The following COL6A3 variants were observed in gnomAD, a reference collection of about 807,000 sequenced individuals.
COL6A3 encodes collagen type VI alpha 3 chain.
In COL6A3, 137 loss-of-function variants were observed where a neutral mutation model predicts 274.1. The observed-to-expected ratio is 0.50, with a 90% CI of 0.44 to 0.58. The LOEUF is 0.58. Among genes scored for constraint, COL6A3 ranks in the 20% least tolerant of loss-of-function variants. COL6A3 has a pLI of 0.00. For missense variants in COL6A3, 3,950 were observed against 4,124.9 expected (o/e 0.96, Z 1.16); for synonymous variants, 1,650 against 1,650.6 (o/e 1.00, Z 0.01).
chr2:237,354,963 G>A (rs745610091), intron 23 of COL6A3, 29 bp from the exon 24 acceptor site: 4 of 1,611,836 alleles, frequency 2.5e-6, no homozygotes, highest in Non-Finnish European at 8.5e-7. Flanking sequence ...CACAAACTGT[G>A]AGGGGGAGCA....
At chr2:237,353,225 C>T (rs1294484829) in intron 25 of COL6A3, 116 bp downstream of exon 25, 8 of 971,332 alleles carry the variant, frequency 8.2e-6, no homozygotes, top group African/African-American at 4.8e-5. Flanking sequence ...GTACCAAATG[C>T]CACTGGATTG....
chr2:237,353,249 G>C lies in COL6A3; in HGVS notation c.6690+92C>G, dbSNP rs1004891478. 3.2e-6 allele frequency: 4 copies of C among 1,254,532 alleles called. No homozygotes were observed. The African/African-American group carries it at 4.4e-5, about 14-fold the overall frequency. 77.7% of individuals were successfully genotyped at this position (1,254,532 alleles called of 1,614,324 possible). On this transcript the variant is annotated intron_variant, in intron 25 of 43. Coordinates refer to ENST00000295550, the MANE Select transcript of COL6A3 (RefSeq NM_004369.4). ...GCCACTGGATTGTTCACTTTAAAATGGTTAACTTTCCGGATATAAATGCCA... is the reference window on the plus strand; with the variant it reads ...GCCACTGGATTGTTCACTTTAAAATCGTTAACTTTCCGGATATAAATGCCA...
At position 237,366,843 on chromosome 2, in the gene COL6A3, C is replaced by T. The variant is rs762035107; in HGVS notation, c.5344G>A (p.Asp1782Asn). ...KVFAVGVRNI[D>N]SEEVGKIASN... ...GCTATCTTTCCAACCTCCTCCGAGT[C>T]GATATTCCTCACTCCAACAGCAAAC... The change falls in exon 11 of 44, where the codon GAC becomes AAC. Residue 1782 changes from aspartate (D) to asparagine (N), a missense_variant. By Grantham distance (23) the Asp-to-Asn change is conservative. Transcript: ENST00000295550. 1.2e-5 allele frequency: 19 copies of T among 1,614,104 alleles called. No homozygotes were observed. The highest frequency in any genetic ancestry group is 1.3e-5 in the African/African-American group (1 of 74,928).
At position 237,395,007 on chromosome 2, in the gene COL6A3, G is replaced by A. The variant is rs144651558; in HGVS notation, c.289C>T (p.Arg97Cys). Residue 97 changes from arginine (R) to cysteine (C), a missense_variant, in exon 3 of 44, where the codon CGT becomes TGT. Physicochemically the swap from Arg to Cys is radical, Grantham distance 180. Transcript: ENST00000295550. ...TGAGAAAGGACTTCTTGTTTAGTAC[G>A]ATACGTATTTAACAGGAACTCGGTA... is the stretch of plus-strand genomic sequence containing the variant. The part of the protein sequence containing the change: ...PHTEFLLNTY[R>C]TKQEVLSHIS... The A allele has an allele frequency of 6.5e-5, 105 of 1,614,084 alleles. No individual in the cohort carries two copies. Among genetic ancestry groups the A allele is most frequent in the African/African-American group, 2.0e-4 (15 of 75,008 alleles).
At position 237,325,554 on chromosome 2, in the gene COL6A3, A is replaced by T; in HGVS notation, c.9493+6T>A. 4 of 1,614,148 alleles carry T rather than the reference A, an allele frequency of 2.5e-6. No homozygotes were observed. Among genetic ancestry groups the T allele is most frequent in the Non-Finnish European group, 3.4e-6 (4 of 1,180,030 alleles). On this transcript the variant is annotated splice_donor_region_variant and intron_variant, in intron 43 of 43. Transcript: ENST00000295550. Reference sequence around the variant, plus strand: ...GAAGCCATAAACACAAGGAAGAATCACTTACCAGGAGCGCAAACCTTTTCA... The same window carrying T: ...GAAGCCATAAACACAAGGAAGAATCTCTTACCAGGAGCGCAAACCTTTTCA...
chr2:237,334,659 C>T lies in COL6A3; in HGVS notation c.9196G>A (p.Val3066Ile), dbSNP rs1188215188. The T allele has an allele frequency of 6.2e-7, 1 of 1,613,660 alleles. No homozygotes were observed. Among genetic ancestry groups the T allele is most frequent in the Admixed American group, 1.7e-5 (1 of 60,018 alleles). ...VAVVCYLRSQVRATYHGSFST... is the reference protein window; with the variant it reads ...VAVVCYLRSQIRATYHGSFST... The stretch of plus-strand genomic sequence containing the variant: ...AAACTTCCGTGGTAGGTGGCTCTGA[C>T]CTGAGACCTCAGGTAGCAGACCACA... Residue 3066 changes from valine (V) to isoleucine (I), a missense_variant, in exon 41 of 44, where the codon GTC (valine) becomes ATC (isoleucine). Val to Ile is a conservative substitution (Grantham distance 29). This residue lies in a region of COL6A3 where 1,284 missense variants were observed against 1,349.7 expected (regional missense o/e 0.95). Coordinates refer to ENST00000295550, the MANE Select transcript of COL6A3 (RefSeq NM_004369.4).
At chr2:237,334,256 C>T (rs1700413545) in intron 41 of COL6A3, among the ~76,000 whole-genome samples, 1 of 152,196 alleles carries the variant, frequency 6.6e-6, no homozygotes, top group South Asian at 2.1e-4. Flanking sequence ...TGGTGTTTTC[C>T]TGAACATGGA....
At position 237,371,321 on chromosome 2, in the gene COL6A3, G is replaced by A. The variant is rs1287587863; in HGVS notation, c.4285+411C>T. 2.6e-5 allele frequency among the ~76,000 whole-genome samples: 4 copies of A among 152,178 alleles called. No homozygotes were observed. The highest frequency in any genetic ancestry group is 2.4e-5 in the African/African-American group (1 of 41,440). On this transcript the variant is annotated intron_variant, in intron 9 of 43. Transcript: ENST00000295550. The surrounding 1 kb of genome is among the most constrained non-coding windows in gnomAD (Gnocchi z 4.3). ...GGCATGAAGAACATAAAGGTGCTGGGCGCGGTGTCTCAGGCCTGTAATCCC... is the reference window on the plus strand; with the variant it reads ...GGCATGAAGAACATAAAGGTGCTGGACGCGGTGTCTCAGGCCTGTAATCCC...
At chr2:237,396,670 C>A in intron 2 of COL6A3, 57 bp downstream of exon 2, 2 of 1,553,972 alleles carry the variant, frequency 1.3e-6, no homozygotes, top group South Asian at 2.2e-5. Flanking sequence ...TGTCTAAGAT[C>A]TAAAATCAAA....
At position 237,396,625 on chromosome 2, in the gene COL6A3, T is replaced by C. The variant is rs371943977; in HGVS notation, c.91+102A>G. 153 of 1,223,728 alleles carry C rather than the reference T, an allele frequency of 1.3e-4. No individual in the cohort carries two copies. The Middle Eastern group carries it at 1.9e-3, about 15-fold the overall frequency. 75.8% of individuals were successfully genotyped at this position (1,223,728 alleles called of 1,614,324 possible). A position where few individuals can be genotyped will look rare whatever the true frequency, so the allele number is the denominator to read the frequency against. ...TCCTATAATAAATGGCTTAGCTACC[T>C]TAAGAACATATCTAAGCTCTATGTC... is the stretch of plus-strand genomic sequence containing the variant. On this transcript the variant is annotated intron_variant, in intron 2 of 43. Coordinates refer to ENST00000295550, the MANE Select transcript of COL6A3 (RefSeq NM_004369.4).
chr2:237,369,724 G>T (rs958616730), intron 9 of COL6A3, among the ~76,000 whole-genome samples: 3 of 152,146 alleles, frequency 2.0e-5, no homozygotes, highest in South Asian at 2.1e-4. Flanking sequence ...ATATCCAAGG[G>T]GTCACATTAA....
rs577759688 is a variant in COL6A3, at chr2:237,358,151, A to G, written c.6472-269T>C. ...GGCTCACTCCTGCTTATCCTTGGCC[A>G]CAGAGGCAGGATGGACTGGAAGAAG... On this transcript the variant is annotated intron_variant, in intron 21 of 43. Coordinates refer to ENST00000295550, the MANE Select transcript of COL6A3 (RefSeq NM_004369.4). 4.1e-4 allele frequency among the ~76,000 whole-genome samples: 62 copies of G among 152,332 alleles called. No individual in the cohort carries two copies. The South Asian group carries it at 0.013, about 31-fold the overall frequency.
chr2:237,333,381 A>G, intron 42 of COL6A3, 69 bp downstream of exon 42: 1 of 1,439,006 alleles, frequency 6.9e-7, no homozygotes, highest in Non-Finnish European at 9.8e-7. Context: ...AGAACCCAGG[A>G]AGTTAAATTG....
chr2:237,336,181 C>A lies in COL6A3; in HGVS notation c.8919G>T (p.Gln2973His). ...GCTTGGTGGCAGCTGGTTTGGCTGC[C>A]TGTGGCCTAGGGACCTCAGGCTTGG... ...VATKPEVPRP[Q>H]AAKPAATKPA... The change falls in exon 40 of 44, where the codon CAG (glutamine) becomes CAT (histidine). Residue 2973 changes from glutamine (Q) to histidine (H), a missense_variant. Physicochemically the swap from Gln to His is conservative, Grantham distance 24 (BLOSUM62 0). Coordinates refer to ENST00000295550, the MANE Select transcript of COL6A3 (RefSeq NM_004369.4). The A allele has an allele frequency of 6.2e-7, 1 of 1,613,622 alleles. No individual in the cohort carries two copies. Among genetic ancestry groups the A allele is most frequent in the Non-Finnish European group, 8.5e-7 (1 of 1,179,988 alleles).
At chr2:237,412,468 C>T (rs1400066010) in intron 1 of COL6A3, among the ~76,000 whole-genome samples, 1 of 152,218 alleles carries the variant, frequency 6.6e-6, no homozygotes, top group African/African-American at 2.4e-5. Flanking sequence ...CTCAGGCACT[C>T]GCTCCCTGGC....
intron 42 of COL6A3, chr2:237,328,602 T>A (rs1054882253): frequency 2.6e-4 from 40 of 152,256 alleles, no homozygotes; most frequent in African/African-American, 9.4e-4. Flanking sequence ...ACCTCCTGAA[T>A]GCTTGACAAT....
At chr2:237,390,479 C>T (rs73093782) in intron 3 of COL6A3, among the ~76,000 whole-genome samples, 3,652 of 152,284 alleles carry the variant, frequency 0.024, 168 homozygotes, top group African/African-American at 0.083. Flanking sequence ...TACAGCAAGG[C>T]GGACCAATGA....
rs953229166 is a variant in COL6A3 at position 237,357,819 on chromosome 2, T to A, written c.6535A>T (p.Met2179Leu). 2 of 1,613,962 alleles carry A rather than the reference T, an allele frequency of 1.2e-6. No individual in the cohort carries two copies. Among genetic ancestry groups the A allele is most frequent in the African/African-American group, 1.3e-5 (1 of 74,922 alleles). ...PKGETGDLGP[M>L]GVPGRDGVPG... ...TCTAGGAATGTGCAGCACCTTACCATGGGGCCGAGGTCACCGGTTTCTCCT... is the reference window on the plus strand; with the variant it reads ...TCTAGGAATGTGCAGCACCTTACCAAGGGGCCGAGGTCACCGGTTTCTCCT... The change falls in exon 22 of 44, where the codon ATG (methionine) becomes TTG (leucine). Residue 2179 changes from methionine (M) to leucine (L), a missense_variant and splice_region_variant. This residue lies in a region of COL6A3 where 1,284 missense variants were observed against 1,349.7 expected (regional missense o/e 0.95). Transcript: ENST00000295550.
intron 23 of COL6A3, chr2:237,357,047 A>C: frequency 2.0e-6 from 1 of 503,604 alleles, no homozygotes; most frequent in South Asian, 2.6e-5. Flanking sequence ...GGGTCTCTTA[A>C]ATATTTAGTT....
Sources: allele counts gnomAD v4.1 joint callset (sites outside exome capture counted in the v4.1 genomes callset), GRCh38; gene constraint gnomAD v4.1.1; regional missense constraint gnomAD v4.1.1; non-coding constraint Gnocchi (gnomAD v3.1); transcripts MANE v1.5; gene names NCBI Gene and HGNC (gene_info 2026-07-23, HGNC 2026-07-21).